RAD51: variants seen among roughly 807,000 people sequenced by gnomAD.
RAD51 encodes the protein RAD51 recombinase.
Under a neutral mutation model 41.5 loss-of-function variants are expected in RAD51, and 14 were observed. The observed-to-expected ratio is 0.34, with a 90% CI of 0.22 to 0.53. The LOEUF (loss-of-function observed/expected upper bound fraction) is 0.53, where lower values mean the gene tolerates loss of function less well. RAD51 is among the 20% of genes least tolerant of loss of function. The pLI, the probability that RAD51 is intolerant of heterozygous loss-of-function variation, is 0.95. For synonymous variants in RAD51, 136 were observed against 148.6 expected (o/e 0.92, Z 0.62); for missense variants, 234 against 422.0 (o/e 0.55, Z 3.90).
chr15:40,707,605 C>T (rs571501262), intron 4 of RAD51, among the ~76,000 whole-genome samples: 26 of 152,092 alleles, frequency 1.7e-4, no homozygotes, highest in African/African-American at 5.5e-4. Flanking sequence ...TCATGCCTGG[C>T]CCCCAATGTC....
intron 1 of RAD51, among the ~76,000 whole-genome samples, chr15:40,697,975 C>T (rs45544139): frequency 0.014 from 2,170 of 152,262 alleles, 57 homozygotes; most frequent in African/African-American, 0.05. Flanking sequence ...TCAAAATACT[C>T]GCTTCTGGCT....
chr15:40,696,400 C>T (rs192753180), intron 1 of RAD51, among the ~76,000 whole-genome samples: 119 of 152,072 alleles, frequency 7.8e-4, no homozygotes, highest in African/African-American at 2.7e-3. Context: ...ATAGTGAGAC[C>T]CGCATCTCTA....
intron 2 of RAD51, 132 bp downstream of exon 2, chr15:40,698,977 G>T (rs1479074044): frequency 1.3e-5 from 11 of 860,838 alleles, no homozygotes; most frequent in South Asian, 8.5e-5. Context: ...CAGAAGTGTT[G>T]TCAATAATCC....
At chr15:40,717,270 AG>A (rs1845924585) in intron 5 of RAD51, among the ~76,000 whole-genome samples, 1 of 152,098 alleles carries the variant, frequency 6.6e-6, no homozygotes. Flanking sequence ...CCCGGGAGGC[AG>A]AGGTTGTGGT....
At chr15:40,708,776 G>C (rs1424035515) in intron 4 of RAD51, among the ~76,000 whole-genome samples, 2 of 151,896 alleles carry the variant, frequency 1.3e-5, no homozygotes, top group African/African-American at 4.8e-5. Flanking sequence ...GCTTCACCAT[G>C]TTGCCCAGGC....
chr15:40,697,140 G>T (rs1894690861), intron 1 of RAD51, among the ~76,000 whole-genome samples: 1 of 152,094 alleles, frequency 6.6e-6, no homozygotes, highest in Non-Finnish European at 1.5e-5. Context: ...GGCTCTTGTT[G>T]CCCAGGCTGG....
intron 5 of RAD51, among the ~76,000 whole-genome samples, chr15:40,711,429 T>G (rs1895701283): frequency 6.6e-6 from 1 of 152,150 alleles, no homozygotes; most frequent in Admixed American, 6.6e-5. Context: ...AAGGCAGTGT[T>G]TGGCTCTCAG....
intron 6 of RAD51, among the ~76,000 whole-genome samples, chr15:40,728,345 T>C (rs974899619): frequency 1.3e-5 from 2 of 152,024 alleles, no homozygotes; most frequent in Non-Finnish European, 2.9e-5. Flanking sequence ...AGCTCCATGC[T>C]ACTTTGGAGG....
At chr15:40,729,761 T>C (rs903018002) in intron 8 of RAD51, 92 bp from the exon 9 acceptor site, 12 of 1,610,694 alleles carry the variant, frequency 7.5e-6, no homozygotes, top group Non-Finnish European at 9.3e-6. Flanking sequence ...AGACATTAGT[T>C]ATTCGTTATT....
chr15:40,706,334 G>A (rs763849445), intron 4 of RAD51, 40 bp downstream of exon 4: 12 of 1,460,566 alleles, frequency 8.2e-6, no homozygotes, highest in Non-Finnish European at 7.7e-6. Flanking sequence ...ACTCTAGTTA[G>A]GAAAGCTTCC....
rs147794104 is a variant in RAD51, at chr15:40,702,411, A to G, written c.225+1210A>G. Among the ~76,000 whole-genome samples, 992 of 152,346 alleles carry G rather than the reference A, an allele frequency of 6.5e-3. 14 individuals are homozygous for G. The highest frequency in any genetic ancestry group is 0.023 in the African/African-American group (938 of 41,572). On this transcript the variant is annotated intron_variant, in intron 3 of 9. Transcript: ENST00000267868. ...ATGAACACAACAATGCAAACCTAGA[A>G]TACATGATTTGAGATGCAATATGGT...
chr15:40,717,125 G>A (rs1307670026), intron 5 of RAD51, among the ~76,000 whole-genome samples: 1 of 152,018 alleles, frequency 6.6e-6, no homozygotes, highest in Non-Finnish European at 1.5e-5. Context: ...ATCACCTTAG[G>A]TCAGGAGTTA....
chr15:40,726,882 C>T (rs911805832), intron 6 of RAD51, among the ~76,000 whole-genome samples: 17 of 146,330 alleles, frequency 1.2e-4, no homozygotes, highest in Admixed American at 4.2e-4. Context: ...CACTGCACTC[C>T]AGCCTGGGCG....
intron 6 of RAD51, among the ~76,000 whole-genome samples, chr15:40,719,724 C>G (rs539449181): frequency 2.6e-5 from 4 of 151,740 alleles, no homozygotes; most frequent in Non-Finnish European, 5.9e-5. Flanking sequence ...CCCAGCTACT[C>G]GGGAGGCTGA....
At position 40,706,295 on chromosome 15, in the gene RAD51, G is replaced by T; in HGVS notation, c.343+1G>T. Reference sequence around the variant, plus strand: ...AAAGAGCTTGACAAACTACTTCAAGGTGTAGTAATCCTTTATCCTGTGTTG... The same window carrying T: ...AAAGAGCTTGACAAACTACTTCAAGTTGTAGTAATCCTTTATCCTGTGTTG... On this transcript the variant is annotated splice_donor_variant, in intron 4 of 9. Transcript: ENST00000267868. LOFTEE classifies it high-confidence loss of function. 6.3e-7 allele frequency: 1 copy of T among 1,592,716 alleles called. No individual in the cohort carries two copies. Among genetic ancestry groups the T allele is most frequent in the Non-Finnish European group, 8.6e-7 (1 of 1,160,438 alleles).
In RAD51 at chr15:40,729,521, G is replaced by A. The variant is rs1010252308; in HGVS notation, c.661G>A (p.Val221Ile). ...MVESRYALLIVDSATALYRTD... is the reference protein window; with the variant it reads ...MVESRYALLIIDSATALYRTD... Reference sequence around the variant, plus strand: ...TTCCTGTAGGTATGCACTGCTTATTGTAGACAGTGCCACCGCCCTTTACAG... The same window carrying A: ...TTCCTGTAGGTATGCACTGCTTATTATAGACAGTGCCACCGCCCTTTACAG... Residue 221 changes from valine (V) to isoleucine (I), a missense_variant, in exon 8 of 10, where the codon GTA becomes ATA. This residue lies in a region of RAD51 where 134 missense variants were observed against 286.5 expected (regional missense o/e 0.47). Coordinates refer to ENST00000267868, the MANE Select transcript of RAD51 (RefSeq NM_002875.5). 5.0e-6 allele frequency: 8 copies of A among 1,613,190 alleles called. No individual in the cohort carries two copies. Among genetic ancestry groups the A allele is most frequent in the Admixed American group, 1.7e-5 (1 of 59,932 alleles).
intron 4 of RAD51, among the ~76,000 whole-genome samples, chr15:40,707,871 C>G (rs1895451164): frequency 6.6e-6 from 1 of 152,050 alleles, no homozygotes; most frequent in African/African-American, 2.4e-5. Context: ...GCACCCGCCA[C>G]CGTGCCTGGC....
chr15:40,718,932 GCTACA>G, intron 6 of RAD51, 33 bp downstream of exon 6: 1 of 1,543,364 alleles, frequency 6.5e-7, no homozygotes, highest in South Asian at 1.1e-5. Context: ...AGAGACTATG[GCTACA>G]CTTATCAATG....
intron 1 of RAD51, 81 bp from the exon 2 acceptor site, chr15:40,698,676 C>T (rs1437545397): frequency 1.9e-5 from 25 of 1,335,812 alleles, no homozygotes; most frequent in Non-Finnish European, 2.5e-5. Flanking sequence ...CTTTTTGATA[C>T]GACTAGCTAG....
Sources: allele counts gnomAD v4.1 joint callset (sites outside exome capture counted in the v4.1 genomes callset), GRCh38; gene constraint gnomAD v4.1.1; regional missense constraint gnomAD v4.1.1; transcripts MANE v1.5; gene names NCBI Gene and HGNC (gene_info 2026-07-23, HGNC 2026-07-21).